DPF3: variants seen among roughly 807,000 people sequenced by gnomAD.
The protein encoded by DPF3 is double PHD fingers 3.
DPF3 carries 18 observed loss-of-function variants against 56.8 expected under a neutral mutation model. That is an observed-to-expected ratio of 0.32 (90% confidence interval 0.22 to 0.47). The LOEUF (loss-of-function observed/expected upper bound fraction) is 0.47, where lower values mean the gene tolerates loss of function less well. Ranked by LOEUF, DPF3 falls within the 20% of genes least tolerant of loss-of-function variation. The pLI, the probability that DPF3 is intolerant of heterozygous loss-of-function variation, is 1.00. For missense variants in DPF3, 403 were observed against 488.8 expected (o/e 0.82, Z 1.65); for synonymous variants, 188 against 180.2 (o/e 1.04, Z -0.35).
intron 3 of DPF3, among the ~76,000 whole-genome samples, chr14:72,737,576 G>T (rs1043116211): frequency 6.6e-6 from 1 of 152,186 alleles, no homozygotes; most frequent in Non-Finnish European, 1.5e-5. Flanking sequence ...CCTGCAAGTC[G>T]TATATGGATT....
intron 5 of DPF3, among the ~76,000 whole-genome samples, chr14:72,719,065 A>C (rs1392601877): frequency 8.6e-5 from 8 of 93,410 alleles, no homozygotes; most frequent in South Asian, 3.6e-4. Flanking sequence ...CCACCGTGCC[A>C]GGCCTTTTTT....
chr14:72,642,969 C>T lies in DPF3; in HGVS notation c.872-13233G>A, dbSNP rs113879975. Among the ~76,000 whole-genome samples, 299 of 152,306 alleles carry T rather than the reference C, an allele frequency of 2.0e-3. 3 individuals are homozygous for T. The highest frequency in any genetic ancestry group is 6.4e-3 in the African/African-American group (268 of 41,562). ...ATTGACTGATTTTGTTTTGATTCCCCGTGGGGATCCTGTGAGGTGGGCAGA... is the reference window on the plus strand; with the variant it reads ...ATTGACTGATTTTGTTTTGATTCCCTGTGGGGATCCTGTGAGGTGGGCAGA... On this transcript the variant is annotated intron_variant, in intron 8 of 10. Coordinates refer to ENST00000556509, the MANE Select transcript of DPF3 (RefSeq NM_001280542.3).
At chr14:72,836,113 G>C (rs1490782243) in intron 1 of DPF3, 1 of 985,592 alleles carries the variant, frequency 1.0e-6, no homozygotes, top group Non-Finnish European at 1.2e-6. Flanking sequence ...TGGAAATCCA[G>C]GTCCAAAGAA....
At chr14:72,667,505 G>A (rs866310618) in intron 8 of DPF3, among the ~76,000 whole-genome samples, 74 of 152,310 alleles carry the variant, frequency 4.9e-4, no homozygotes, top group African/African-American at 1.8e-3. Flanking sequence ...TTTTCATCTT[G>A]ATGACTCTAA....
chr14:72,659,228 A>G (rs1345501249), intron 8 of DPF3, among the ~76,000 whole-genome samples: 1 of 152,130 alleles, frequency 6.6e-6, no homozygotes, highest in East Asian at 1.9e-4. Context: ...CACCAAAGAT[A>G]CCTGCTCTGT....
At position 72,792,973 on chromosome 14, in the gene DPF3, C is replaced by G. The variant is rs1892503239; in HGVS notation, c.33-21080G>C. 1.3e-5 allele frequency among the ~76,000 whole-genome samples: 2 copies of G among 151,858 alleles called. 1 individual carries two copies. The highest frequency in any genetic ancestry group is 1.3e-4 in the Admixed American group (2 of 15,242). ...GCTGAAACACAGAACTGGGTGTTAT[C>G]TTAAAATCTCTGCACAAATAGAATT... On this transcript the variant is annotated intron_variant, in intron 1 of 10. Transcript: ENST00000556509.
At chr14:72,803,692 A>T (rs914787414) in intron 1 of DPF3, among the ~76,000 whole-genome samples, 4 of 152,344 alleles carry the variant, frequency 2.6e-5, no homozygotes, top group African/African-American at 9.6e-5. Context: ...GGACTAGTCC[A>T]TCTAGTCCAG....
intron 3 of DPF3, chr14:72,742,695 A>C (rs1567218480): frequency 6.6e-6 from 1 of 152,404 alleles, no homozygotes; most frequent in Non-Finnish European, 1.5e-5. Context: ...ATCAGAGAGC[A>C]AATGGTGGAG....
At chr14:72,768,207 T>C (rs1484371672) in intron 2 of DPF3, among the ~76,000 whole-genome samples, 1 of 152,154 alleles carries the variant, frequency 6.6e-6, no homozygotes, top group Non-Finnish European at 1.5e-5. Flanking sequence ...CTTCAGTAAG[T>C]AAGAAAAACA....
chr14:72,840,802 A>ATTCCTG (rs1333538483), intron 1 of DPF3, among the ~76,000 whole-genome samples: 2 of 152,228 alleles, frequency 1.3e-5, no homozygotes, highest in African/African-American at 2.4e-5. Flanking sequence ...TCCTAACCAA[A>ATTCCTG]GACCATTTTC....
At chr14:72,764,031 C>G (rs1333749584) in intron 2 of DPF3, among the ~76,000 whole-genome samples, 1 of 152,152 alleles carries the variant, frequency 6.6e-6, no homozygotes. Context: ...CCTAAAACCC[C>G]TGGCATCTCC....
chr14:72,768,820 G>C (rs1396973674), intron 2 of DPF3, among the ~76,000 whole-genome samples: 5 of 151,916 alleles, frequency 3.3e-5, no homozygotes, highest in African/African-American at 9.7e-5. Flanking sequence ...ATGTTTAATG[G>C]AATATACCCT....
In DPF3 at chr14:72,661,922, T is replaced by A. The variant is rs1015590784; in HGVS notation, c.871+12318A>T. On this transcript the variant is annotated intron_variant, in intron 8 of 10. Coordinates refer to ENST00000556509, the MANE Select transcript of DPF3 (RefSeq NM_001280542.3). ...CTCTCTGTGTTCGAATCTATTGAACTTGAGGGGATATATTCCATCAATAGA... is the reference window on the plus strand; with the variant it reads ...CTCTCTGTGTTCGAATCTATTGAACATGAGGGGATATATTCCATCAATAGA... 8.1e-6 allele frequency: 8 copies of A among 982,708 alleles called. 1 individual carries two copies. In the Admixed American group the frequency reaches 4.4e-4, roughly 54 times the overall value. The allele number at this position is 982,708 out of a possible 1,614,324, so 60.9% of individuals were successfully genotyped here.
intron 6 of DPF3, among the ~76,000 whole-genome samples, chr14:72,695,410 G>C (rs940724122): frequency 1.3e-5 from 2 of 152,180 alleles, no homozygotes; most frequent in African/African-American, 2.4e-5. Flanking sequence ...CTGGCAACTG[G>C]TTGGACTTCT....
intron 1 of DPF3, among the ~76,000 whole-genome samples, chr14:72,886,358 C>T (rs906109250): frequency 4.6e-5 from 7 of 151,722 alleles, no homozygotes; most frequent in Non-Finnish European, 7.4e-5. Context: ...GGTGACAGAG[C>T]GAGACTCCAT....
At chr14:72,648,915 G>C (rs1416323945) in intron 8 of DPF3, among the ~76,000 whole-genome samples, 1 of 151,926 alleles carries the variant, frequency 6.6e-6, no homozygotes, top group East Asian at 1.9e-4. Context: ...TCTTCTTTTA[G>C]CACAACTGGA....
chr14:72,870,986 T>TTG (rs1885877251), intron 1 of DPF3, among the ~76,000 whole-genome samples: 4 of 96,424 alleles, frequency 4.1e-5, no homozygotes, highest in African/African-American at 1.9e-4. Flanking sequence ...TAATTGGACT[T>TTG]AAAGTCCTCA....
chr14:72,817,817 A>T (rs1883354663), intron 1 of DPF3, among the ~76,000 whole-genome samples: 1 of 152,236 alleles, frequency 6.6e-6, no homozygotes, highest in Non-Finnish European at 1.5e-5. Context: ...GAATAAAATG[A>T]ATAATAGTTA....
At chr14:72,879,094 G>C (rs1886224524) in intron 1 of DPF3, among the ~76,000 whole-genome samples, 1 of 152,216 alleles carries the variant, frequency 6.6e-6, no homozygotes, top group Non-Finnish European at 1.5e-5. Context: ...GGACAGAAAG[G>C]CACATGTGGC....
Sources: gnomAD v4.1 joint callset for allele counts (sites outside exome capture counted in the v4.1 genomes callset) on GRCh38, gnomAD v4.1.1 for gene constraint, MANE v1.5 for transcripts, NCBI Gene and HGNC (gene_info 2026-07-23, HGNC 2026-07-21) for gene names.